HOMER1: variants seen among roughly 807,000 people sequenced by gnomAD.
The protein encoded by HOMER1 is homer scaffold protein 1, also known as homer protein homolog 1.
In HOMER1, 3 loss-of-function variants were observed where a neutral mutation model predicts 48.9. The observed-to-expected ratio is 0.06, with a 90% CI of 0.03 to 0.16. The LOEUF (loss-of-function observed/expected upper bound fraction) is 0.16. Ranked by LOEUF, HOMER1 falls within the 10% of genes least tolerant of loss-of-function variation. The probability of loss-of-function intolerance (pLI) is 1.00; values close to 1 mark genes in which losing one functional copy is unlikely to be tolerated. For synonymous variants in HOMER1, 134 were observed against 146.4 expected (o/e 0.92, Z 0.61); for missense variants, 247 against 411.4 (o/e 0.60, Z 3.46).
chr5:79,441,971 G>A (rs550348139), intron 4 of HOMER1, among the ~76,000 whole-genome samples: 299 of 148,280 alleles, frequency 2.0e-3, no homozygotes, highest in African/African-American at 7.2e-3. Flanking sequence ...TTTTTGGGGT[G>A]TGTGTGTGTG....
chr5:79,433,523 G>A lies in HOMER1; in HGVS notation c.527+5487C>T, dbSNP rs1252914946. 3.3e-5 allele frequency among the ~76,000 whole-genome samples: 5 copies of A among 152,012 alleles called. No individual in the cohort carries two copies. The East Asian group carries it at 9.7e-4, about 29-fold the overall frequency. On this transcript the variant is annotated intron_variant, in intron 5 of 8. Coordinates refer to ENST00000334082, the MANE Select transcript of HOMER1 (RefSeq NM_004272.5). ...GTGGAGGTCGCAGTGAGCTGAGATC[G>A]CACCACTGCACTCCAGCCTGGGCAA...
At chr5:79,379,476 A>C (rs890435024) in intron 8 of HOMER1, among the ~76,000 whole-genome samples, 2 of 83,762 alleles carry the variant, frequency 2.4e-5, no homozygotes, top group African/African-American at 7.9e-5. Context: ...TTTTATATAT[A>C]AATATATAAA....
chr5:79,469,950 A>G (rs1334908276), intron 1 of HOMER1, among the ~76,000 whole-genome samples: 1 of 152,250 alleles, frequency 6.6e-6, no homozygotes, highest in East Asian at 1.9e-4. Flanking sequence ...AAGTAGTGTT[A>G]ATACAACCCA....
intron 1 of HOMER1, among the ~76,000 whole-genome samples, chr5:79,491,879 G>A (rs1752288407): frequency 1.3e-5 from 2 of 152,142 alleles, no homozygotes; most frequent in Non-Finnish European, 1.5e-5. Context: ...TTTTACAGAT[G>A]AGGAAACTGA....
At chr5:79,500,963 G>GACAGACACACACAC (rs1426979946) in intron 1 of HOMER1, among the ~76,000 whole-genome samples, 3 of 101,602 alleles carry the variant, frequency 3.0e-5, no homozygotes, top group African/African-American at 1.0e-4. Context: ...GAGACAGACA[G>GACAGACACACACAC]ACACACACAC....
intron 8 of HOMER1, among the ~76,000 whole-genome samples, chr5:79,390,204 T>C (rs1254812507): frequency 6.6e-6 from 1 of 152,106 alleles, no homozygotes; most frequent in Non-Finnish European, 1.5e-5. Context: ...GAGAAATTCT[T>C]GAGCCCAGGA....
At chr5:79,471,417 G>A (rs1751615054) in intron 1 of HOMER1, among the ~76,000 whole-genome samples, 1 of 151,978 alleles carries the variant, frequency 6.6e-6, no homozygotes, top group Admixed American at 6.6e-5. Flanking sequence ...ATGGTGGCAT[G>A]TACCTATAAT....
rs765995968 is a variant in HOMER1 at position 79,451,089 on chromosome 5, C to A, written c.195G>T (p.Met65Ile). ...ACTTCTGAGATGTTTTAGTAAATGTCATGTTTGGGGTGATGGTACTATTTA... is the reference window on the plus strand; with the variant it reads ...ACTTCTGAGATGTTTTAGTAAATGTAATGTTTGGGGTGATGGTACTATTTA... ...AIINSTITPN[M>I]TFTKTSQKFG... Residue 65 changes from methionine (M) to isoleucine (I), a missense_variant, in exon 3 of 9, where the codon ATG (methionine) becomes ATT (isoleucine). Met to Ile is a conservative substitution (Grantham distance 10, BLOSUM62 1). Transcript: ENST00000334082. 20 of 1,613,656 alleles carry A rather than the reference C, an allele frequency of 1.2e-5. No homozygotes were observed. Among genetic ancestry groups the A allele is most frequent in the Non-Finnish European group, 8.5e-7 (1 of 1,179,782 alleles).
At chr5:79,410,472 A>G (rs534291610) in intron 5 of HOMER1, among the ~76,000 whole-genome samples, 75 of 150,012 alleles carry the variant, frequency 5.0e-4, no homozygotes, top group African/African-American at 1.8e-3. Flanking sequence ...CTGGGTAACA[A>G]GAGTGAAACT....
chr5:79,422,007 A>T (rs1222735141), intron 5 of HOMER1, among the ~76,000 whole-genome samples: 12 of 152,166 alleles, frequency 7.9e-5, no homozygotes, highest in Non-Finnish European at 1.5e-5. Context: ...AGGGTGAATC[A>T]TTTGAGGTCA....
At chr5:79,503,489 A>G (rs918586616) in intron 1 of HOMER1, among the ~76,000 whole-genome samples, 1 of 144,192 alleles carries the variant, frequency 6.9e-6, no homozygotes, top group Non-Finnish European at 1.5e-5. Flanking sequence ...AGATCATGCC[A>G]CTGCACTCCA....
chr5:79,466,657 G>C (rs538109335), intron 1 of HOMER1, among the ~76,000 whole-genome samples: 8 of 152,090 alleles, frequency 5.3e-5, no homozygotes, highest in African/African-American at 1.9e-4. Flanking sequence ...GAAATCTAAA[G>C]AAAGTAATCT....
chr5:79,490,900 G>A (rs1220255675), intron 1 of HOMER1, among the ~76,000 whole-genome samples: 3 of 151,402 alleles, frequency 2.0e-5, no homozygotes, highest in African/African-American at 4.8e-5. Context: ...GCTGCAGGCT[G>A]GGTGACAGAG....
chr5:79,446,917 G>C, intron 4 of HOMER1, 136 bp downstream of exon 4: 1 of 556,256 alleles, frequency 1.8e-6, no homozygotes, highest in Non-Finnish European at 3.2e-6. Flanking sequence ...GCCTATCAAA[G>C]TCCTGGGATT....
In HOMER1 at chr5:79,492,086, T is replaced by C. The variant is rs145299468; in HGVS notation, c.5+20684A>G. ...CTTTCCCAAGGTTAAAAAAGTCCTCTAAAGGATCCAGTCCAACAATATAGA... is the reference window on the plus strand; with the variant it reads ...CTTTCCCAAGGTTAAAAAAGTCCTCCAAAGGATCCAGTCCAACAATATAGA... On this transcript the variant is annotated intron_variant, in intron 1 of 8. Coordinates refer to ENST00000334082, the MANE Select transcript of HOMER1 (RefSeq NM_004272.5). 1.0e-3 allele frequency among the ~76,000 whole-genome samples: 152 copies of C among 152,340 alleles called. 1 individual carries two copies. The highest frequency in any genetic ancestry group is 3.3e-3 in the African/African-American group (136 of 41,576).
chr5:79,453,052 T>C (rs938098950), intron 2 of HOMER1, among the ~76,000 whole-genome samples: 1 of 152,088 alleles, frequency 6.6e-6, no homozygotes, highest in South Asian at 2.1e-4. Context: ...GCTACAACAA[T>C]AAGAGGGGCA....
intron 1 of HOMER1, among the ~76,000 whole-genome samples, chr5:79,480,000 T>C (rs773918289): frequency 1.3e-5 from 2 of 152,184 alleles, no homozygotes; most frequent in African/African-American, 4.8e-5. Context: ...ATTACTGTCA[T>C]GGGACAAGTT....
At chr5:79,504,541 T>C (rs543870991) in intron 1 of HOMER1, among the ~76,000 whole-genome samples, 2 of 152,292 alleles carry the variant, frequency 1.3e-5, no homozygotes, top group Non-Finnish European at 2.9e-5. Flanking sequence ...GACTGACTGA[T>C]AGAAATTCCT....
intron 1 of HOMER1, among the ~76,000 whole-genome samples, chr5:79,490,777 A>C (rs1561384851): frequency 1.4e-5 from 2 of 147,154 alleles, no homozygotes; most frequent in Non-Finnish European, 3.0e-5. Flanking sequence ...ACCAAAAAAA[A>C]AAACAAAAAA....
Sources: allele counts gnomAD v4.1 joint callset (sites outside exome capture counted in the v4.1 genomes callset), GRCh38; gene constraint gnomAD v4.1.1; transcripts MANE v1.5; gene names NCBI Gene and HGNC (gene_info 2026-07-23, HGNC 2026-07-21).